DLC1: variants seen among roughly 807,000 people sequenced by gnomAD.
DLC1 encodes the protein rho GTPase-activating protein 7.
In DLC1, 54 loss-of-function variants were observed where a neutral mutation model predicts 140.3. The ratio of observed to expected loss-of-function variants is 0.38; its 90% CI spans 0.31 to 0.48. The LOEUF (loss-of-function observed/expected upper bound fraction) is 0.48, where lower values mean the gene tolerates loss of function less well. DLC1 is among the 20% of genes least tolerant of loss of function. The probability of loss-of-function intolerance (pLI) is 0.96; values close to 1 mark genes in which losing one functional copy is unlikely to be tolerated. For synonymous variants in DLC1, 986 were observed against 728.1 expected (o/e 1.35, Z -5.70); for missense variants, 2,536 against 1,907.0 (o/e 1.33, Z -6.14).
intron 4 of DLC1, among the ~76,000 whole-genome samples, chr8:13,355,409 C>A (rs1834889724): frequency 6.6e-6 from 1 of 152,282 alleles, no homozygotes; most frequent in African/African-American, 2.4e-5. Context: ...ATAACAAGCA[C>A]TACGTGACTA....
At chr8:13,592,466 C>T (rs1805546702) in intron 1 of DLC1, among the ~76,000 whole-genome samples, 1 of 151,884 alleles carries the variant, frequency 6.6e-6, no homozygotes, top group African/African-American at 2.4e-5. Context: ...AGCTTATTAA[C>T]TTACTTTTTG....
In DLC1 at chr8:13,327,874, A is replaced by G. The variant is rs111635459; in HGVS notation, c.1315-22572T>C. On this transcript the variant is annotated intron_variant, in intron 4 of 17. Coordinates refer to ENST00000276297, the MANE Select transcript of DLC1 (RefSeq NM_182643.3). ...TTACAAAGAAAAGTTCAGAGAGGGTAACTTCATTTAGCTATTCTGAGGAAC... is the reference window on the plus strand; with the variant it reads ...TTACAAAGAAAAGTTCAGAGAGGGTGACTTCATTTAGCTATTCTGAGGAAC... Among the ~76,000 whole-genome samples the G allele has an allele frequency of 8.5e-5, 13 of 152,336 alleles. 1 individual carries two copies. Among genetic ancestry groups the G allele is most frequent in the African/African-American group, 3.1e-4 (13 of 41,578 alleles).
chr8:13,104,213 A>G (rs1819355569), intron 7 of DLC1, among the ~76,000 whole-genome samples: 1 of 152,172 alleles, frequency 6.6e-6, no homozygotes, highest in African/African-American at 2.4e-5. Flanking sequence ...ACCGGGTTCA[A>G]AATTAAGCAC....
intron 7 of DLC1, among the ~76,000 whole-genome samples, chr8:13,104,018 G>A (rs1393955052): frequency 6.6e-6 from 1 of 152,116 alleles, no homozygotes; most frequent in Non-Finnish European, 1.5e-5. Context: ...TATCTCCGAT[G>A]AATCATAATC....
intron 3 of DLC1, among the ~76,000 whole-genome samples, chr8:13,400,370 C>T (rs547759270): frequency 6.6e-6 from 1 of 152,228 alleles, no homozygotes; most frequent in South Asian, 2.1e-4. Flanking sequence ...TTCACATGAA[C>T]CTGCAGTTGA....
intron 5 of DLC1, among the ~76,000 whole-genome samples, chr8:13,201,073 C>T (rs1285669477): frequency 6.6e-6 from 1 of 151,862 alleles, no homozygotes; most frequent in African/African-American, 2.4e-5. Context: ...TATTTTTGGA[C>T]TTTTGTCTCC....
At chr8:13,412,318 T>C (rs2117301964) in intron 2 of DLC1, among the ~76,000 whole-genome samples, 1 of 152,310 alleles carries the variant, frequency 6.6e-6, no homozygotes, top group East Asian at 1.9e-4. Flanking sequence ...AGAATTTTTT[T>C]CCCCTTTGGA....
At chr8:13,256,995 T>C (rs1275497631) in intron 5 of DLC1, among the ~76,000 whole-genome samples, 1 of 152,122 alleles carries the variant, frequency 6.6e-6, no homozygotes, top group Non-Finnish European at 1.5e-5. Context: ...GGCTATTCTT[T>C]ATATGCATTT....
At chr8:13,256,441 A>G (rs146710387) in intron 5 of DLC1, among the ~76,000 whole-genome samples, 8,587 of 152,290 alleles carry the variant, frequency 0.056, 334 homozygotes, top group Non-Finnish European at 0.089. Flanking sequence ...TTGCAACACT[A>G]TTCACAATAG....
chr8:13,294,376 G>C (rs969092223), intron 5 of DLC1, among the ~76,000 whole-genome samples: 1 of 152,202 alleles, frequency 6.6e-6, no homozygotes, highest in Non-Finnish European at 1.5e-5. Context: ...GACAATGACA[G>C]TCCATCAATG....
intron 2 of DLC1, among the ~76,000 whole-genome samples, chr8:13,457,783 G>A (rs947879232): frequency 6.6e-5 from 10 of 151,162 alleles, no homozygotes; most frequent in Admixed American, 5.9e-4. Context: ...CCTGATTCCC[G>A]ATGATCCCTG....
chr8:13,566,922 C>G, intron 1 of DLC1: 1 of 1,463,490 alleles, frequency 6.8e-7, no homozygotes. Context: ...GAGGGGTCAG[C>G]TCCTGACGGG....
rs528923084 is a variant in DLC1 at position 13,381,992 on chromosome 8, C to T, written c.1314+11561G>A. 5.3e-5 allele frequency among the ~76,000 whole-genome samples: 8 copies of T among 151,998 alleles called. No homozygotes were observed. In the South Asian group the frequency reaches 1.2e-3, roughly 24 times the overall value. ...CATCAAACATACTGTTAGCATAAGC[C>T]AGGTAGCTTTTGAGGGGGCTTTCAG... On this transcript the variant is annotated intron_variant, in intron 4 of 17. Coordinates refer to ENST00000276297, the MANE Select transcript of DLC1 (RefSeq NM_182643.3).
rs570597737 is a variant in DLC1, at chr8:13,184,699, A to G, written c.1349-69042T>C. On this transcript the variant is annotated intron_variant, in intron 5 of 17. Coordinates refer to ENST00000276297, the MANE Select transcript of DLC1 (RefSeq NM_182643.3). ...TGATTTCTGTTCTTTACATTTGCTG[A>G]GGAGTGCTTTACTTCCATTTATGTG... is the stretch of plus-strand genomic sequence containing the variant. 3.3e-5 allele frequency among the ~76,000 whole-genome samples: 5 copies of G among 152,274 alleles called. No homozygotes were observed. The South Asian group carries it at 1.0e-3, about 32-fold the overall frequency.
At chr8:13,581,162 A>T (rs1465573783) in intron 1 of DLC1, among the ~76,000 whole-genome samples, 1 of 152,234 alleles carries the variant, frequency 6.6e-6, no homozygotes, top group African/African-American at 2.4e-5. Flanking sequence ...TCATTCAGTC[A>T]GGGTCAAATT....
At chr8:13,547,236 A>T (rs1245964716) in intron 1 of DLC1, among the ~76,000 whole-genome samples, 1 of 152,086 alleles carries the variant, frequency 6.6e-6, no homozygotes, top group Non-Finnish European at 1.5e-5. Flanking sequence ...GACCTTCTGA[A>T]TATTTTTAGT....
intron 5 of DLC1, among the ~76,000 whole-genome samples, chr8:13,123,480 A>C (rs1297662939): frequency 1.3e-5 from 2 of 150,058 alleles, no homozygotes; most frequent in African/African-American, 4.9e-5. Context: ...AGCTGGGGCT[A>C]CAGGCGCCCG....
intron 5 of DLC1, among the ~76,000 whole-genome samples, chr8:13,218,557 C>A (rs2117138638): frequency 6.6e-6 from 1 of 151,808 alleles, no homozygotes; most frequent in African/African-American, 2.4e-5. Flanking sequence ...AATTGCAAAT[C>A]AAAACTACAG....
intron 2 of DLC1, among the ~76,000 whole-genome samples, chr8:13,465,737 A>G (rs1018729952): frequency 3.9e-5 from 6 of 152,192 alleles, no homozygotes; most frequent in Admixed American, 3.9e-4. Context: ...ATTTTAAGAT[A>G]TTCAAATATA....
Sources: allele counts gnomAD v4.1 joint callset (sites outside exome capture counted in the v4.1 genomes callset), GRCh38; gene constraint gnomAD v4.1.1; transcripts MANE v1.5; gene names NCBI Gene and HGNC (gene_info 2026-07-23, HGNC 2026-07-21).